Variants in RUFY3 observed in about 807,000 individuals in gnomAD.
The protein encoded by RUFY3 is protein RUFY3.
Under a neutral mutation model 84.0 loss-of-function variants are expected in RUFY3, and 34 were observed. That is an observed-to-expected ratio of 0.40 (90% CI 0.31 to 0.54). The LOEUF is 0.54. Among genes scored for constraint, RUFY3 ranks in the 20% least tolerant of loss-of-function variants. The pLI is 0.39. For synonymous variants in RUFY3, 242 were observed against 252.9 expected, an observed-to-expected ratio of 0.96 and a Z score of 0.41; for missense variants, 507 against 736.8, an observed-to-expected ratio of 0.69 and a Z score of 3.61.
upstream of RUFY3, among the ~76,000 whole-genome samples, chr4:70,719,801 G>C (rs1315035832): frequency 6.6e-6 from 1 of 152,160 alleles, no homozygotes; most frequent in Non-Finnish European, 1.5e-5. Flanking sequence ...ATTTGGATAT[G>C]AAAATTCTGT....
intron 1 of RUFY3, among the ~76,000 whole-genome samples, chr4:70,758,390 G>T (rs1281769694): frequency 6.6e-6 from 1 of 152,116 alleles, no homozygotes; most frequent in Non-Finnish European, 1.5e-5. Flanking sequence ...CAGCACTTCG[G>T]GAGGCCAACA....
In RUFY3 at chr4:70,807,802, G is replaced by A. The variant is rs888865861; in HGVS notation, c.*1143G>A. On this transcript the variant is annotated 3_prime_UTR_variant, in exon 18 of 18. Coordinates refer to ENST00000381006, the MANE Select transcript of RUFY3 (RefSeq NM_001037442.4). The stretch of plus-strand genomic sequence containing the variant: ...GGCATGAGCCACCACACCTGGCCAA[G>A]TTTAATTTGTTCATGGCTGAGAACA... 2.0e-5 allele frequency among the ~76,000 whole-genome samples: 3 copies of A among 151,938 alleles called. No homozygotes were observed. Among genetic ancestry groups the A allele is most frequent in the African/African-American group, 7.3e-5 (3 of 41,368 alleles).
chr4:70,715,483 C>T (rs1741455823), intron 1 of RUFY3, among the ~76,000 whole-genome samples: 1 of 149,088 alleles, frequency 6.7e-6, no homozygotes, highest in African/African-American at 2.5e-5. Flanking sequence ...ACTTGGGAGT[C>T]TGAGGCAGTG....
intron 1 of RUFY3, among the ~76,000 whole-genome samples, chr4:70,712,763 TA>T (rs750439644): frequency 2.0e-5 from 3 of 152,192 alleles, no homozygotes; most frequent in Admixed American, 2.0e-4. Context: ...AAGAACTAAC[TA>T]AAAAATGGGC....
At chr4:70,705,270 G>GGCA in exon 1 of RUFY3, 1 of 1,433,834 alleles carries the variant, frequency 7.0e-7, no homozygotes, top group Non-Finnish European at 9.1e-7. Flanking sequence ...CGGCGGCGGC[G>GGCA]GCAGCAGCGG....
intron 6 of RUFY3, 67 bp downstream of exon 6, chr4:70,773,639 A>G: frequency 9.5e-7 from 1 of 1,050,412 alleles, no homozygotes. Context: ...GGTGGTACTT[A>G]AAGTTTACAA....
At chr4:70,718,477 A>G (rs1452865679), upstream of RUFY3, among the ~76,000 whole-genome samples, 1 of 152,164 alleles carries the variant, frequency 6.6e-6, no homozygotes, top group Non-Finnish European at 1.5e-5. Context: ...ACACAGGCCT[A>G]TTCTTTTAGG....
intron 12 of RUFY3, chr4:70,789,929 G>A (rs903246594): frequency 1.0e-6 from 1 of 1,004,664 alleles, no homozygotes; most frequent in Non-Finnish European, 1.2e-6. Context: ...ATGTATGTAT[G>A]TAATTCTGTG....
At chr4:70,727,648 G>A (rs566703839) in intron 1 of RUFY3, among the ~76,000 whole-genome samples, 8 of 151,634 alleles carry the variant, frequency 5.3e-5, no homozygotes, top group Non-Finnish European at 7.4e-5. Context: ...TTAGCTGGGC[G>A]TGGTGGCGGG....
intron 8 of RUFY3, among the ~76,000 whole-genome samples, chr4:70,780,910 C>T (rs1424611601): frequency 1.3e-5 from 2 of 151,962 alleles, no homozygotes; most frequent in East Asian, 1.9e-4. Context: ...AGAGAGTAGA[C>T]GAGGCTCATT....
chr4:70,749,173 C>A (rs907174754), intron 1 of RUFY3, among the ~76,000 whole-genome samples: 2 of 151,848 alleles, frequency 1.3e-5, no homozygotes, highest in Non-Finnish European at 2.9e-5. Flanking sequence ...TTGTATTTAC[C>A]ACCTAAATTT....
chr4:70,738,127 G>A (rs1044536674), intron 1 of RUFY3, among the ~76,000 whole-genome samples: 7 of 147,254 alleles, frequency 4.8e-5, no homozygotes, highest in Admixed American at 2.0e-4. Flanking sequence ...GGGATTAGAG[G>A]CATGCTGCAC....
At chr4:70,779,362 A>G (rs1480682862) in intron 8 of RUFY3, among the ~76,000 whole-genome samples, 2 of 152,210 alleles carry the variant, frequency 1.3e-5, no homozygotes, top group Non-Finnish European at 2.9e-5. Context: ...CCTCACAATT[A>G]ACTCTGAAGA....
At chr4:70,792,538 A>G in intron 12 of RUFY3, 7 of 985,266 alleles carry the variant, frequency 7.1e-6, no homozygotes, top group Non-Finnish European at 8.4e-6. Flanking sequence ...ATTTGAAGAG[A>G]CAGGCTTTAC....
intron 1 of RUFY3, among the ~76,000 whole-genome samples, chr4:70,714,462 C>T (rs925643339): frequency 3.9e-5 from 6 of 152,178 alleles, no homozygotes; most frequent in Non-Finnish European, 7.3e-5. Context: ...TTCTGCATCC[C>T]TAGCATATGG....
At chr4:70,728,433 A>C (rs543656297) in intron 1 of RUFY3, among the ~76,000 whole-genome samples, 21 of 152,360 alleles carry the variant, frequency 1.4e-4, no homozygotes, top group Middle Eastern at 6.8e-3. Flanking sequence ...TAGGGTTTCT[A>C]CTGAACACAT....
chr4:70,806,655 C>T lies in RUFY3; in HGVS notation c.1859C>T (p.Ser620Leu), dbSNP rs769947694. 3 of 1,613,946 alleles carry T rather than the reference C, an allele frequency of 1.9e-6. No homozygotes were observed. In the South Asian group the frequency reaches 3.3e-5, roughly 18 times the overall value. The change falls in exon 18 of 18, where the codon TCA becomes TTA. Residue 620 changes from serine to leucine, a missense_variant. Ser to Leu is a moderately radical substitution (Grantham distance 145). Coordinates refer to ENST00000381006, the MANE Select transcript of RUFY3 (RefSeq NM_001037442.4). ...ATGAAGCAATATTCTACCAGCCCATCATAAGACTGGAGGCCAAGACCTGGA... is the reference window on the plus strand; with the variant it reads ...ATGAAGCAATATTCTACCAGCCCATTATAAGACTGGAGGCCAAGACCTGGA... ...HLMKQYSTSP[S>L]
At chr4:70,775,324 A>C in intron 7 of RUFY3, 91 bp downstream of exon 7, 1 of 807,880 alleles carries the variant, frequency 1.2e-6, no homozygotes, top group East Asian at 2.8e-5. Flanking sequence ...AAATTCAGAC[A>C]GTGTTCAACA....
chr4:70,728,722 AT>A (rs1460158424), intron 1 of RUFY3, among the ~76,000 whole-genome samples: 2 of 151,782 alleles, frequency 1.3e-5, no homozygotes, highest in Admixed American at 1.3e-4. Flanking sequence ...CTCTGTTATC[AT>A]TTTTCGGATA....
Sources: gnomAD v4.1 joint callset for allele counts (sites outside exome capture counted in the v4.1 genomes callset) on GRCh38, gnomAD v4.1.1 for gene constraint, MANE v1.5 for transcripts, NCBI Gene and HGNC (gene_info 2026-07-23, HGNC 2026-07-21) for gene names.